Variants in ANKS1A observed in about 807,000 individuals in gnomAD.
ANKS1A encodes the protein ankyrin repeat and sterile alpha motif domain containing 1A, also known as ankyrin repeat and SAM domain-containing protein 1A.
ANKS1A carries 55 observed loss-of-function variants against 120.3 expected under a neutral mutation model. That is an observed-to-expected ratio of 0.46 (90% CI 0.37 to 0.57). The LOEUF is 0.57. Ranked by LOEUF, ANKS1A falls within the 20% of genes least tolerant of loss-of-function variation. The pLI is 0.00. For synonymous variants in ANKS1A, 590 were observed against 604.7 expected (o/e 0.98, Z 0.36); for missense variants, 1,123 against 1,480.3 (o/e 0.76, Z 3.96).
chr6:34,933,986 C>T (rs896364634), intron 1 of ANKS1A, among the ~76,000 whole-genome samples: 1 of 151,954 alleles, frequency 6.6e-6, no homozygotes, highest in Non-Finnish European at 1.5e-5. Flanking sequence ...GAAATGGAGA[C>T]GGGAGAAGAA....
chr6:34,998,514 A>G (rs1337602176), intron 10 of ANKS1A, among the ~76,000 whole-genome samples: 1 of 152,166 alleles, frequency 6.6e-6, no homozygotes, highest in Non-Finnish European at 1.5e-5. Flanking sequence ...TAAGCCTGGT[A>G]GTTAAAATTC....
intron 1 of ANKS1A, among the ~76,000 whole-genome samples, chr6:34,904,402 AC>A (rs953852775): frequency 1.3e-5 from 2 of 151,994 alleles, no homozygotes; most frequent in Admixed American, 1.3e-4. Flanking sequence ...TTATGTAATA[AC>A]CTAATAACCA....
At chr6:34,955,257 C>G (rs1190007640) in intron 1 of ANKS1A, among the ~76,000 whole-genome samples, 1 of 151,866 alleles carries the variant, frequency 6.6e-6, no homozygotes, top group Non-Finnish European at 1.5e-5. Flanking sequence ...CTGCCTCAGC[C>G]CCCCAAGTAG....
Position 35,084,164 on chromosome 6 carries a change from C to T in ANKS1A, c.3038C>T (p.Ala1013Val), listed in dbSNP as rs1777836765. 6.2e-7 allele frequency: 1 copy of T among 1,614,206 alleles called. No homozygotes were observed. Among genetic ancestry groups the T allele is most frequent in the Non-Finnish European group, 8.5e-7 (1 of 1,180,040 alleles). ...EHEIRNISCA[A>V]QDPEDLCTFA... ...GAGATCCGGAACATTTCCTGTGCGGCCCAGGACCCGGAGGACCTCTGTACC... is the reference window on the plus strand; with the variant it reads ...GAGATCCGGAACATTTCCTGTGCGGTCCAGGACCCGGAGGACCTCTGTACC... The change falls in exon 21 of 24, where the codon GCC becomes GTC. Residue 1013 changes from alanine to valine, a missense_variant. Physicochemically the swap from Ala to Val is moderately conservative, Grantham distance 64. Around this residue, in one of 3 missense-constraint regions of ANKS1A, gnomAD observed 904 missense variants for 1,130.4 expected, o/e 0.80. Transcript: ENST00000360359. This position sits in a 1 kb window ranked among gnomAD's most constrained non-coding sequence, Gnocchi z 4.8.
At chr6:34,907,038 T>C (rs1767680206) in intron 1 of ANKS1A, among the ~76,000 whole-genome samples, 1 of 152,214 alleles carries the variant, frequency 6.6e-6, no homozygotes, top group Admixed American at 6.5e-5. Flanking sequence ...TTGCCTCTTG[T>C]GTTCCTTCCC....
intron 12 of ANKS1A, among the ~76,000 whole-genome samples, chr6:35,056,374 C>T (rs1214908216): frequency 6.6e-5 from 10 of 152,198 alleles, no homozygotes; most frequent in Admixed American, 5.2e-4. Context: ...CTGCAAGCTC[C>T]GCCTCCCGGG....
chr6:35,019,620 G>C (rs1307401002), intron 11 of ANKS1A, among the ~76,000 whole-genome samples: 1 of 152,166 alleles, frequency 6.6e-6, no homozygotes, highest in East Asian at 1.9e-4. Context: ...TCTGGGGGAG[G>C]GGGGTGCCAG....
chr6:34,971,870 T>C (rs1299743712), intron 3 of ANKS1A, among the ~76,000 whole-genome samples: 2 of 152,206 alleles, frequency 1.3e-5, no homozygotes, highest in Non-Finnish European at 2.9e-5. Context: ...ATTTTCTGGG[T>C]AGGTGAGCAA....
At position 34,980,381 on chromosome 6, in the gene ANKS1A, T is replaced by C. The variant is rs545993975; in HGVS notation, c.436-1309T>C. 2.0e-5 allele frequency among the ~76,000 whole-genome samples: 3 copies of C among 152,366 alleles called. No homozygotes were observed. The South Asian group carries it at 6.2e-4, about 32-fold the overall frequency. ...TTTTCTTTGCCATCGTTCTCACCTT[T>C]TGGGGAGTTGTTCCCAGCAGCTGTG... On this transcript the variant is annotated intron_variant, in intron 3 of 23. Coordinates refer to ENST00000360359, the MANE Select transcript of ANKS1A (RefSeq NM_015245.3).
intron 1 of ANKS1A, among the ~76,000 whole-genome samples, chr6:34,929,827 C>T (rs1486426465): frequency 7.7e-6 from 1 of 130,276 alleles, no homozygotes; most frequent in East Asian, 2.6e-4. Context: ...CTTTCTCTTT[C>T]TTTCTTTCTC....
At chr6:34,934,528 G>A (rs141107871) in intron 1 of ANKS1A, among the ~76,000 whole-genome samples, 1 of 152,304 alleles carries the variant, frequency 6.6e-6, no homozygotes, top group East Asian at 1.9e-4. Context: ...AGCTTGGTTA[G>A]CTTTAAATCA....
intron 1 of ANKS1A, among the ~76,000 whole-genome samples, chr6:34,929,813 C>T (rs1335044899): frequency 7.4e-6 from 1 of 135,534 alleles, no homozygotes; most frequent in Non-Finnish European, 1.5e-5. Context: ...CCTTCTCTCT[C>T]TCTCTTTCTC....
chr6:34,933,528 G>A (rs933650251), intron 1 of ANKS1A, among the ~76,000 whole-genome samples: 2 of 152,126 alleles, frequency 1.3e-5, no homozygotes, highest in Non-Finnish European at 2.9e-5. Context: ...GGGCCACCAC[G>A]CCCGGCTAGT....
At chr6:34,938,861 G>A (rs1039908675) in intron 1 of ANKS1A, among the ~76,000 whole-genome samples, 3 of 152,202 alleles carry the variant, frequency 2.0e-5, no homozygotes, top group South Asian at 2.1e-4. Context: ...GGTGGCGCAC[G>A]CCTGTAATCC....
Position 34,981,327 on chromosome 6 carries a change from A to C in ANKS1A, c.436-363A>C, listed in dbSNP as rs917778929. 2.0e-5 allele frequency among the ~76,000 whole-genome samples: 3 copies of C among 152,218 alleles called. 1 individual carries two copies. The highest frequency in any genetic ancestry group is 1.9e-4 in the East Asian group (1 of 5,194). Reference sequence around the variant, plus strand: ...CAAATTGTAAAACCATTTGAAGTTTAAACTGAAATAATAGCAGTGATATTA... The same window carrying C: ...CAAATTGTAAAACCATTTGAAGTTTCAACTGAAATAATAGCAGTGATATTA... On this transcript the variant is annotated intron_variant, in intron 3 of 23. Coordinates refer to ENST00000360359, the MANE Select transcript of ANKS1A (RefSeq NM_015245.3).
chr6:34,931,038 G>A (rs1363748902), intron 1 of ANKS1A, among the ~76,000 whole-genome samples: 1 of 151,762 alleles, frequency 6.6e-6, no homozygotes, highest in East Asian at 1.9e-4. Context: ...CACCATGCCT[G>A]GCTAATATTT....
At chr6:34,951,164 CT>C (rs1367982985) in intron 1 of ANKS1A, among the ~76,000 whole-genome samples, 1 of 152,174 alleles carries the variant, frequency 6.6e-6, no homozygotes, top group Non-Finnish European at 1.5e-5. Flanking sequence ...ACACTAGACA[CT>C]GGTCTCAGTC....
chr6:34,969,087 G>A (rs1027859519), intron 2 of ANKS1A, among the ~76,000 whole-genome samples: 1 of 152,116 alleles, frequency 6.6e-6, no homozygotes, highest in East Asian at 1.9e-4. Context: ...TCCAGATGCT[G>A]TTTTGATTTA....
chr6:35,029,052 T>G (rs750000810), intron 11 of ANKS1A, among the ~76,000 whole-genome samples: 1 of 151,966 alleles, frequency 6.6e-6, no homozygotes, highest in Non-Finnish European at 1.5e-5. Flanking sequence ...ATTGGTAATG[T>G]TATCTTATCT....
Sources: gnomAD v4.1 joint callset for allele counts (sites outside exome capture counted in the v4.1 genomes callset) on GRCh38, gnomAD v4.1.1 for gene constraint, gnomAD v4.1.1 regional missense constraint, Gnocchi (gnomAD v3.1) non-coding constraint, MANE v1.5 for transcripts, NCBI Gene and HGNC (gene_info 2026-07-23, HGNC 2026-07-21) for gene names.